The following TLN1 variants were observed in gnomAD, a reference collection of about 807,000 sequenced individuals.
The protein encoded by TLN1 is talin 1.
In TLN1, 56 loss-of-function variants were observed where a neutral mutation model predicts 292.3. The ratio of observed to expected loss-of-function variants is 0.19; its 90% CI spans 0.15 to 0.24. The LOEUF is 0.24. Ranked by LOEUF, TLN1 falls within the 10% of genes least tolerant of loss-of-function variation. The pLI is 1.00. For synonymous variants in TLN1, 1,119 were observed against 1,253.7 expected (o/e 0.89, Z 2.27); for missense variants, 2,433 against 3,248.2 (o/e 0.75, Z 6.10).
Position 35,698,743 on chromosome 9 carries a change from T to C in TLN1, c.7126-64A>G, listed in dbSNP as rs1825412512. 5.6e-6 allele frequency: 9 copies of C among 1,613,812 alleles called. 1 individual carries two copies. Among genetic ancestry groups the C allele is most frequent in the Middle Eastern group, 3.3e-4 (2 of 6,084 alleles). ...CCTCACTTCAAAGACTCGCTGGCTATGGATGTGGATGTGGACATCAAAGTG... is the reference window on the plus strand; with the variant it reads ...CCTCACTTCAAAGACTCGCTGGCTACGGATGTGGATGTGGACATCAAAGTG... On this transcript the variant is annotated intron_variant, in intron 53 of 56. Coordinates refer to ENST00000314888, the MANE Select transcript of TLN1 (RefSeq NM_006289.4). The surrounding 1 kb of genome is among the most constrained non-coding windows in gnomAD (Gnocchi z 5.3).
Position 35,699,939 on chromosome 9 carries a change from G to A in TLN1, c.6768+35C>T, listed in dbSNP as rs1222005841. The A allele has an allele frequency of 6.3e-7, 1 of 1,579,310 alleles. No homozygotes were observed. The highest frequency in any genetic ancestry group is 8.7e-7 in the Non-Finnish European group (1 of 1,155,382). The stretch of plus-strand genomic sequence containing the variant: ...AGGAAGAGGGCTGTGTATTCAGGGA[G>A]GCTGGTATGAGGAACAAGCAACGCC... On this transcript the variant is annotated intron_variant, in intron 50 of 56. Transcript: ENST00000314888. This position sits in a 1 kb window ranked among gnomAD's most constrained non-coding sequence, Gnocchi z 4.0.
At position 35,711,606 on chromosome 9, in the gene TLN1, C is replaced by T. The variant is rs753891770; in HGVS notation, c.3868G>A (p.Gly1290Ser). The T allele has an allele frequency of 9.3e-6, 15 of 1,613,660 alleles. No homozygotes were observed. Among genetic ancestry groups the T allele is most frequent in the Non-Finnish European group, 1.1e-5 (13 of 1,180,046 alleles). ...TFLEAGVEMA[G>S]QAPSQEDRAQ... is the part of the protein sequence containing the mutation. ...CTGCCTCTTCATACCGGAGCCTGGCCTGCCATCTCCACACCAGCTTCCAGG... is the reference window on the plus strand; with the variant it reads ...CTGCCTCTTCATACCGGAGCCTGGCTTGCCATCTCCACACCAGCTTCCAGG... Residue 1290 changes from glycine (G) to serine (S), a missense_variant, in exon 29 of 57, where the codon GGC (glycine) becomes AGC (serine). This residue lies in a region of TLN1 where 1,384 missense variants were observed against 1,699.6 expected (regional missense o/e 0.81). Coordinates refer to ENST00000314888, the MANE Select transcript of TLN1 (RefSeq NM_006289.4).
At position 35,703,964 on chromosome 9, in the gene TLN1, C is replaced by A. The variant is rs1402381836; in HGVS notation, c.6231+27G>T. ...GAAGCGGGACAGGAAGTGATTCCAGCCGGAATTAGGGGCATCAGGTCACTA... is the reference window on the plus strand; with the variant it reads ...GAAGCGGGACAGGAAGTGATTCCAGACGGAATTAGGGGCATCAGGTCACTA... On this transcript the variant is annotated intron_variant, in intron 46 of 56. Coordinates refer to ENST00000314888, the MANE Select transcript of TLN1 (RefSeq NM_006289.4). 1.9e-6 allele frequency: 3 copies of A among 1,612,362 alleles called. No individual in the cohort carries two copies. The Admixed American group carries it at 5.0e-5, about 27-fold the overall frequency.
intron 12 of TLN1, 63 bp downstream of exon 12, chr9:35,720,370 C>T (rs956859248): frequency 6.3e-7 from 1 of 1,590,424 alleles, no homozygotes. Context: ...CCCAAGAGTC[C>T]TTAGAGTCAG....
Position 35,703,560 on chromosome 9 carries a change from C to G in TLN1, c.6474G>C (p.Ala2158=). The stretch of plus-strand genomic sequence containing the variant: ...ACTGATGCCCCAGACTCTCACTCAC[C>G]GCCAGCTCCTGCCGTATGTGTTCTG... ...ATTEHIRQEL[A]VFCSPEPPAK... Residue 2158 remains alanine (A), a splice_region_variant and synonymous_variant, in exon 48 of 57, where the codon GCG becomes GCC. Transcript: ENST00000314888. 1 of 1,614,066 alleles carries G rather than the reference C, an allele frequency of 6.2e-7. No individual in the cohort carries two copies. Among genetic ancestry groups the G allele is most frequent in the Admixed American group, 1.7e-5 (1 of 60,028 alleles).
intron 19 of TLN1, 109 bp from the exon 20 acceptor site, chr9:35,716,665 G>T: frequency 1.6e-6 from 2 of 1,222,370 alleles, no homozygotes; most frequent in Non-Finnish European, 2.2e-6. Context: ...GGGGCTTTAG[G>T]GACAGAAAAA....
At position 35,699,199 on chromosome 9, in the gene TLN1, G is replaced by T; in HGVS notation, c.6875-43C>A. 6.3e-7 allele frequency: 1 copy of T among 1,585,134 alleles called. No individual in the cohort carries two copies. Among genetic ancestry groups the T allele is most frequent in the Non-Finnish European group, 8.6e-7 (1 of 1,163,826 alleles). On this transcript the variant is annotated intron_variant, in intron 51 of 56. Coordinates refer to ENST00000314888, the MANE Select transcript of TLN1 (RefSeq NM_006289.4). This position sits in a 1 kb window ranked among gnomAD's most constrained non-coding sequence, Gnocchi z 4.0. ...GAGGAAAGAGGCTAAGGCAGAGTGG[G>T]GAGGTCAAAAGCACCAGGGAGCATG...
In TLN1 at chr9:35,717,829, G is replaced by T; in HGVS notation, c.1996-43C>A. On this transcript the variant is annotated intron_variant, in intron 17 of 56. Transcript: ENST00000314888. The surrounding 1 kb of genome is among the most constrained non-coding windows in gnomAD (Gnocchi z 4.7). ...TTAGCATGACCTGAGATTGGGCTTG[G>T]GATTCACAGACACTTCTCAGAGGCG... is the stretch of plus-strand genomic sequence containing the variant. 2 of 1,571,810 alleles carry T rather than the reference G, an allele frequency of 1.3e-6. No homozygotes were observed. The highest frequency in any genetic ancestry group is 1.1e-5 in the South Asian group (1 of 87,606).
intron 29 of TLN1, 48 bp downstream of exon 29, chr9:35,711,547 C>A: frequency 1.2e-6 from 2 of 1,612,794 alleles, no homozygotes; most frequent in African/African-American, 1.3e-5. Flanking sequence ...TGCCTCCTAT[C>A]TAACCCTTAG....
intron 10 of TLN1, among the ~76,000 whole-genome samples, chr9:35,721,303 A>C (rs1386377276): frequency 6.6e-6 from 1 of 152,240 alleles, no homozygotes; most frequent in African/African-American, 2.4e-5. Flanking sequence ...AGTTGATATC[A>C]GTTTTCAATT....
Position 35,704,870 on chromosome 9 carries a change from C to CA in TLN1, c.5734-56dup. The CA allele has an allele frequency of 6.3e-7, 1 of 1,577,236 alleles. No homozygotes were observed. On this transcript the variant is annotated intron_variant, in intron 43 of 56. Transcript: ENST00000314888. This position sits in a 1 kb window ranked among gnomAD's most constrained non-coding sequence, Gnocchi z 6.9. Reference sequence around the variant, plus strand: ...TTACAAGGGGCACTCAGGGTACCTTCACTGTGCTTGGAAAAGTCACTAAGG... The same window carrying CA: ...TTACAAGGGGCACTCAGGGTACCTTCAACTGTGCTTGGAAAAGTCACTAAGG...
In TLN1 at chr9:35,704,956, G is replaced by A. The variant is rs937269965; in HGVS notation, c.5734-141C>T. ...CAGAGAGAGAAGGTTCCCAGCACAA[G>A]GACGTTTCCGGTTGCATATCCTTTA... On this transcript the variant is annotated intron_variant, in intron 43 of 56. Transcript: ENST00000314888. This position sits in a 1 kb window ranked among gnomAD's most constrained non-coding sequence, Gnocchi z 6.9. 5 of 1,037,390 alleles carry A rather than the reference G, an allele frequency of 4.8e-6. No individual in the cohort carries two copies. Among genetic ancestry groups the A allele is most frequent in the South Asian group, 1.7e-5 (1 of 60,076 alleles). The allele number at this position is 1,037,390 out of a possible 1,614,324, so 64.3% of individuals were successfully genotyped here. A position where few individuals can be genotyped will look rare whatever the true frequency, so the allele number is the denominator to read the frequency against.
chr9:35,709,841 C>T (rs1413586773), intron 33 of TLN1, among the ~76,000 whole-genome samples: 8 of 130,524 alleles, frequency 6.1e-5, no homozygotes, highest in African/African-American at 1.5e-4. Context: ...GAGTCTAGAT[C>T]GCGCCACTGC....
Position 35,697,546 on chromosome 9 carries a change from A to T in TLN1, c.*245T>A. On this transcript the variant is annotated 3_prime_UTR_variant, in exon 57 of 57. Coordinates refer to ENST00000314888, the MANE Select transcript of TLN1 (RefSeq NM_006289.4). ...ATCGAGGTACAGCAGCGTTAATAAT[A>T]CTCTTGGAGCGTTAATACTCTGGGG... 1 of 525,160 alleles carries T rather than the reference A, an allele frequency of 1.9e-6. No individual in the cohort carries two copies. The highest frequency in any genetic ancestry group is 2.1e-5 in the African/African-American group (1 of 48,584). The allele number at this position is 525,160 out of a possible 1,614,324, so 32.5% of individuals were successfully genotyped here.
Position 35,707,912 on chromosome 9 carries a change from A to G in TLN1, c.4471-20T>C. 1 of 1,612,026 alleles carries G rather than the reference A, an allele frequency of 6.2e-7. No individual in the cohort carries two copies. Among genetic ancestry groups the G allele is most frequent in the Non-Finnish European group, 8.5e-7 (1 of 1,178,556 alleles). On this transcript the variant is annotated intron_variant, in intron 34 of 56. Transcript: ENST00000314888. This position sits in a 1 kb window ranked among gnomAD's most constrained non-coding sequence, Gnocchi z 5.6. ...GAGCACCTGAGGAGACACATGGAAG[A>G]GCCACGATGAGGGCAGGAAGGAGGT...
In TLN1 at chr9:35,699,279, G is replaced by GAGCT; in HGVS notation, c.6874+73_6874+76dup. 6.4e-7 allele frequency: 1 copy of GAGCT among 1,563,742 alleles called. No homozygotes were observed. On this transcript the variant is annotated intron_variant, in intron 51 of 56. Transcript: ENST00000314888. The surrounding 1 kb of genome is among the most constrained non-coding windows in gnomAD (Gnocchi z 4.0). ...GGGACTATGGTCAGAGGCTAGCACA[G>GAGCT]AGCTGTCCAGCCAGGAAGCAGAGAT...
chr9:35,720,235 C>T lies in TLN1; in HGVS notation c.1284-16G>A, dbSNP rs1825857416. On this transcript the variant is annotated splice_polypyrimidine_tract_variant and intron_variant, in intron 12 of 56. Transcript: ENST00000314888. ...GACTGTTGACCTGTAGAGGGGTGAACTATTGAGCTCACAGAGGACTCCTCA... is the reference window on the plus strand; with the variant it reads ...GACTGTTGACCTGTAGAGGGGTGAATTATTGAGCTCACAGAGGACTCCTCA... The T allele has an allele frequency of 1.3e-6, 2 of 1,563,130 alleles. No homozygotes were observed. Among genetic ancestry groups the T allele is most frequent in the African/African-American group, 1.4e-5 (1 of 73,196 alleles).
Position 35,721,737 on chromosome 9 carries a change from G to A in TLN1, c.1015C>T (p.Arg339Ter). The stretch of plus-strand genomic sequence containing the variant: ...ACTTCCTTGGTCTTCTCATCCACTC[G>A]CATCACACACTCCTTGGTGATGCCC... ...LLGITKECVM[R>*]VDEKTKEVIQ... Residue 339 changes from arginine to a stop codon, truncating the protein, a stop_gained, in exon 10 of 57, where the codon CGA becomes TGA. Coordinates refer to ENST00000314888, the MANE Select transcript of TLN1 (RefSeq NM_006289.4). LOFTEE classifies it high-confidence loss of function. The A allele has an allele frequency of 1.2e-6, 2 of 1,614,010 alleles. No individual in the cohort carries two copies. Among genetic ancestry groups the A allele is most frequent in the Non-Finnish European group, 8.5e-7 (1 of 1,179,916 alleles).
In TLN1 at chr9:35,706,880, A is replaced by G; in HGVS notation, c.4976T>C (p.Leu1659Pro). The G allele has an allele frequency of 6.2e-7, 1 of 1,613,996 alleles. No homozygotes were observed. Among genetic ancestry groups the G allele is most frequent in the Non-Finnish European group, 8.5e-7 (1 of 1,180,018 alleles). ...AGCTGCAATGGCCGTTTCACACTCC[A>G]GCTGCCCTGGAGCCTTGTCCCTGCA... ...TSMRDKAPGQ[L>P]ECETAIAALN... Residue 1659 changes from leucine (L) to proline (P), a missense_variant, in exon 38 of 57, where the codon CTG (leucine) becomes CCG (proline). This residue lies in a region of TLN1 where 1,384 missense variants were observed against 1,699.6 expected (regional missense o/e 0.81). Coordinates refer to ENST00000314888, the MANE Select transcript of TLN1 (RefSeq NM_006289.4). This position sits in a 1 kb window ranked among gnomAD's most constrained non-coding sequence, Gnocchi z 4.2.
Sources: gnomAD v4.1 joint callset for allele counts (sites outside exome capture counted in the v4.1 genomes callset) on GRCh38, gnomAD v4.1.1 for gene constraint, gnomAD v4.1.1 regional missense constraint, Gnocchi (gnomAD v3.1) non-coding constraint, MANE v1.5 for transcripts, NCBI Gene and HGNC (gene_info 2026-07-23, HGNC 2026-07-21) for gene names.